Variants in BSCL2 observed in about 807,000 individuals in gnomAD.
BSCL2 encodes seipin.
A neutral mutation model predicts 57.4 loss-of-function variants in BSCL2; 41 were observed. The observed-to-expected ratio is 0.71, with a 90% confidence interval of 0.56 to 0.93. The LOEUF (loss-of-function observed/expected upper bound fraction) is 0.93, where lower values mean the gene tolerates loss of function less well. Ranked by LOEUF, BSCL2 falls within the 40% of genes least tolerant of loss-of-function variation. BSCL2 has a pLI of 0.00. For synonymous variants in BSCL2, 237 were observed against 227.3 expected (o/e 1.04, Z -0.38); for missense variants, 539 against 586.7 (o/e 0.92, Z 0.84).
intron 3 of BSCL2, among the ~76,000 whole-genome samples, chr11:62,699,674 G>GT (rs1397704474): frequency 5.4e-5 from 6 of 110,462 alleles, no homozygotes; most frequent in East Asian, 2.9e-4. Flanking sequence ...AATCCTATCT[G>GT]GTTTTTTTTT....
At chr11:62,709,437 T>A (rs545023752), upstream of BSCL2, 10 of 453,026 alleles carry the variant, frequency 2.2e-5, no homozygotes, top group Admixed American at 4.7e-5. Context: ...GAAGCCAAGT[T>A]AAAAGGTAAA....
At chr11:62,703,042 C>T (rs1056414934) in intron 2 of BSCL2, among the ~76,000 whole-genome samples, 4 of 151,650 alleles carry the variant, frequency 2.6e-5, no homozygotes, top group African/African-American at 9.7e-5. Flanking sequence ...CCCACCTACT[C>T]GGGACGCTGA....
At chr11:62,691,525 T>C in intron 6 of BSCL2, 104 bp from the exon 7 acceptor site, 1 of 1,396,018 alleles carries the variant, frequency 7.2e-7, no homozygotes, top group South Asian at 1.2e-5. Flanking sequence ...TGAGTTTGGT[T>C]ACAGCTGGCT....
chr11:62,708,437 T>G (rs1020746463), upstream of BSCL2: 7 of 1,414,214 alleles, frequency 4.9e-6, no homozygotes, highest in Non-Finnish European at 6.0e-6. Context: ...GGCCAGGCTG[T>G]GCTGTGCTGC....
At position 62,690,479 on chromosome 11, in the gene BSCL2, T is replaced by C. The variant is rs1450251165; in HGVS notation, c.1277A>G (p.Asn426Ser). The change falls in exon 11 of 11, where the codon AAC becomes AGC. Residue 426 changes from asparagine (N) to serine (S), a missense_variant. By Grantham distance (46) the Asn-to-Ser change is conservative (BLOSUM62 1). Coordinates refer to ENST00000360796, the MANE Select transcript of BSCL2 (RefSeq NM_001122955.4). Reference sequence around the variant, plus strand: ...AGAAGCAGGAGCAGGAGCAGGCAGGTTGGCCTCCGTCAGCAAAGCTGCATC... The same window carrying C: ...AGAAGCAGGAGCAGGAGCAGGCAGGCTGGCCTCCGTCAGCAAAGCTGCATC... ...WEDAALLTEA[N>S]LPAPAPASAS... 6.2e-7 allele frequency: 1 copy of C among 1,614,068 alleles called. No individual in the cohort carries two copies. Among genetic ancestry groups the C allele is most frequent in the South Asian group, 1.1e-5 (1 of 91,074 alleles).
chr11:62,691,084 G>A lies in BSCL2; in HGVS notation c.1063C>T (p.His355Tyr), dbSNP rs1273909538. 4 of 1,614,120 alleles carry A rather than the reference G, an allele frequency of 2.5e-6. No individual in the cohort carries two copies. The African/African-American group carries it at 5.3e-5, about 22-fold the overall frequency. Residue 355 changes from histidine (H) to tyrosine (Y), a missense_variant, in exon 8 of 11, where the codon CAT (histidine) becomes TAT (tyrosine). His to Tyr is a moderately conservative substitution (Grantham distance 83). Transcript: ENST00000360796. ...CAGCCAACACCTTTACCTGGCTGAT[G>A]AGCAGAGATCCTTCGTTGGACTTCC... ...RKEVQRRISA[H>Y]QPGPEGQEES...
At chr11:62,705,173 G>T in intron 2 of BSCL2, 128 bp downstream of exon 2, 4 of 1,018,102 alleles carry the variant, frequency 3.9e-6, no homozygotes, top group African/African-American at 1.6e-5. Context: ...TGTGAAAGTT[G>T]AGAGGCCCTG....
chr11:62,708,483 T>C, upstream of BSCL2: 1 of 1,228,942 alleles, frequency 8.1e-7, no homozygotes, highest in East Asian at 2.3e-5. Flanking sequence ...ATGCGTTCTT[T>C]CCTTCACTCC....
upstream of BSCL2, chr11:62,709,445 A>G (rs1037094800): frequency 4.8e-5 from 22 of 453,920 alleles, no homozygotes; most frequent in Non-Finnish European, 8.4e-5. Context: ...GTTAAAAGGT[A>G]AACAGGCCGA....
At chr11:62,697,161 A>G (rs1945493887) in intron 3 of BSCL2, among the ~76,000 whole-genome samples, 1 of 151,932 alleles carries the variant, frequency 6.6e-6, no homozygotes, top group African/African-American at 2.4e-5. Context: ...TTGGGAGGCC[A>G]AGGCGGGCAG....
At chr11:62,690,937 C>G in intron 8 of BSCL2, 70 bp from the exon 9 acceptor site, 1 of 1,584,304 alleles carries the variant, frequency 6.3e-7, no homozygotes, top group Non-Finnish European at 8.7e-7. Flanking sequence ...GTGCCAACCT[C>G]ACCTTCCTCG....
chr11:62,702,774 G>C (rs1056754325), intron 2 of BSCL2, among the ~76,000 whole-genome samples: 6 of 152,050 alleles, frequency 3.9e-5, no homozygotes, highest in Non-Finnish European at 7.4e-5. Flanking sequence ...CATTACAACA[G>C]ATGTTCTTAG....
intron 3 of BSCL2, among the ~76,000 whole-genome samples, chr11:62,696,278 T>TTTTGTGTGTGTGTGTGTG (rs1554984017): frequency 5.9e-5 from 8 of 136,228 alleles, no homozygotes; most frequent in Admixed American, 3.1e-4. Flanking sequence ...CATAAACTTT[T>TTTTGTGTGTGTGTGTGTG]TGTGTGTGTG....
At chr11:62,691,567 C>A (rs1369395001) in intron 6 of BSCL2, 146 bp from the exon 7 acceptor site, 1 of 990,172 alleles carries the variant, frequency 1.0e-6, no homozygotes, top group Middle Eastern at 3.0e-4. Context: ...CACACAGTTT[C>A]CAGAACCTGC....
chr11:62,697,667 G>T (rs566270900), intron 3 of BSCL2: 1 of 151,162 alleles, frequency 6.6e-6, no homozygotes, highest in South Asian at 2.1e-4. Flanking sequence ...GGTGGCATGC[G>T]CCTGTAATCT....
intron 1 of BSCL2, chr11:62,706,492 TGA>T (rs2083541044): frequency 2.5e-6 from 1 of 404,330 alleles, no homozygotes; most frequent in African/African-American, 2.1e-5. Context: ...CCGGTTACCG[TGA>T]CCAAAGGGGA....
At chr11:62,694,734 C>A in intron 3 of BSCL2, 23 bp from the exon 4 acceptor site, 1 of 1,612,182 alleles carries the variant, frequency 6.2e-7, no homozygotes, top group South Asian at 1.1e-5. Flanking sequence ...GCCCCCATTT[C>A]TTTAAAAAAA....
intron 3 of BSCL2, among the ~76,000 whole-genome samples, chr11:62,701,725 G>A (rs532591338): frequency 3.3e-5 from 5 of 151,678 alleles, no homozygotes; most frequent in South Asian, 2.1e-4. Flanking sequence ...CCAGCTACTC[G>A]GGAGGCTGAG....
intron 2 of BSCL2, among the ~76,000 whole-genome samples, chr11:62,703,095 A>G (rs1175818426): frequency 6.6e-6 from 1 of 150,886 alleles, no homozygotes; most frequent in Non-Finnish European, 1.5e-5. Context: ...GGTTGTGGTG[A>G]GCCAAGATCA....
Sources: allele counts gnomAD v4.1 joint callset (sites outside exome capture counted in the v4.1 genomes callset), GRCh38; gene constraint gnomAD v4.1.1; transcripts MANE v1.5; gene names NCBI Gene and HGNC (gene_info 2026-07-23, HGNC 2026-07-21).